The following LMTK2 variants were observed in gnomAD, a reference collection of about 807,000 sequenced individuals.
LMTK2 encodes lemur tail kinase 2.
In LMTK2, 37 loss-of-function variants were observed where a neutral mutation model predicts 127.5. The ratio of observed to expected loss-of-function variants is 0.29; its 90% CI spans 0.22 to 0.38. LMTK2 has a LOEUF of 0.38. Among genes scored for constraint, LMTK2 ranks in the 10% least tolerant of loss-of-function variants. The probability of loss-of-function intolerance (pLI) is 1.00; values close to 1 mark genes in which losing one functional copy is unlikely to be tolerated. For missense variants in LMTK2, 1,694 were observed against 1,920.3 expected (o/e 0.88, Z 2.20); for synonymous variants, 819 against 810.1 (o/e 1.01, Z -0.19).
At chr7:98,143,718 T>C (rs777535820) in intron 3 of LMTK2, among the ~76,000 whole-genome samples, 4 of 152,180 alleles carry the variant, frequency 2.6e-5, no homozygotes, top group Non-Finnish European at 5.9e-5. Context: ...GGAGGGGTAG[T>C]CGGGCAACAT....
Position 98,205,762 on chromosome 7 carries a change from G to C in LMTK2, c.*270G>C, listed in dbSNP as rs984852406. 1.3e-5 allele frequency: 7 copies of C among 546,346 alleles called. No homozygotes were observed. The Admixed American group carries it at 1.6e-4, about 12-fold the overall frequency. The allele number at this position is 546,346 out of a possible 1,614,324, so 33.8% of individuals were successfully genotyped here. ...GCCTCCCAGGCAGTGCTCATGCGCT[G>C]GCCGTCGGGGGAGGCAGGGGCACAG... On this transcript the variant is annotated 3_prime_UTR_variant, in exon 14 of 14. Coordinates refer to ENST00000297293, the MANE Select transcript of LMTK2 (RefSeq NM_014916.4).
rs982245937 is a variant in LMTK2, at chr7:98,106,895, C to T, written c.-283C>T. 23 of 444,498 alleles carry T rather than the reference C, an allele frequency of 5.2e-5. No individual in the cohort carries two copies. Among genetic ancestry groups the T allele is most frequent in the African/African-American group, 3.7e-4 (18 of 48,880 alleles). 27.5% of individuals were successfully genotyped at this position (444,498 alleles called of 1,614,324 possible). ...ACGCAGCCCATCATGGCGGCGGGAGCGCGGCTTCCCAGGCCCGCCGCTCCG... is the reference window on the plus strand; with the variant it reads ...ACGCAGCCCATCATGGCGGCGGGAGTGCGGCTTCCCAGGCCCGCCGCTCCG... On this transcript the variant is annotated 5_prime_UTR_variant, in exon 1 of 14. Coordinates refer to ENST00000297293, the MANE Select transcript of LMTK2 (RefSeq NM_014916.4).
chr7:98,159,311 C>T lies in LMTK2; in HGVS notation c.570-27C>T, dbSNP rs371565512. On this transcript the variant is annotated intron_variant, in intron 5 of 13. Coordinates refer to ENST00000297293, the MANE Select transcript of LMTK2 (RefSeq NM_014916.4). ...TGTTATTATCATGCTTCCTGATGAACAATATTATGGCTTTTATTTTTCCCA... is the reference window on the plus strand; with the variant it reads ...TGTTATTATCATGCTTCCTGATGAATAATATTATGGCTTTTATTTTTCCCA... 1.9e-5 allele frequency: 28 copies of T among 1,439,004 alleles called. No individual in the cohort carries two copies. The African/African-American group carries it at 3.1e-4, about 16-fold the overall frequency. The allele number at this position is 1,439,004 out of a possible 1,614,324, so 89.1% of individuals were successfully genotyped here. A position where few individuals can be genotyped will look rare whatever the true frequency, so the allele number is the denominator to read the frequency against.
At position 98,192,465 on chromosome 7, in the gene LMTK2, C is replaced by T. The variant is rs1396990560; in HGVS notation, c.2000C>T (p.Ala667Val). The change falls in exon 11 of 14, where the codon GCC becomes GTC. Residue 667 changes from alanine (A) to valine (V), a missense_variant. Coordinates refer to ENST00000297293, the MANE Select transcript of LMTK2 (RefSeq NM_014916.4). ...GGAGTTCAAGCCGACTTTAAACCTG[C>T]CACTTTAAGTTCCAGTTTGGATAAC... ...LNGVQADFKP[A>V]TLSSSLDNPK... 2.5e-6 allele frequency: 4 copies of T among 1,611,570 alleles called. No homozygotes were observed. The highest frequency in any genetic ancestry group is 3.4e-6 in the Non-Finnish European group (4 of 1,179,434).
Position 98,107,174 on chromosome 7 carries a change from C to T in LMTK2, c.-4C>T, listed in dbSNP as rs1321476419. On this transcript the variant is annotated 5_prime_UTR_variant, in exon 1 of 14. Coordinates refer to ENST00000297293, the MANE Select transcript of LMTK2 (RefSeq NM_014916.4). ...GCCGGCCCCGGAGCCGCGCCGTGGG[C>T]GAGATGCCGGGGCCGCCGGCGTTGC... The T allele has an allele frequency of 4.2e-6, 6 of 1,438,906 alleles. No individual in the cohort carries two copies. The highest frequency in any genetic ancestry group is 1.4e-5 in the South Asian group (1 of 72,296). 89.1% of individuals were successfully genotyped at this position (1,438,906 alleles called of 1,614,324 possible). A position where few individuals can be genotyped will look rare whatever the true frequency, so the allele number is the denominator to read the frequency against.
At chr7:98,121,609 G>C (rs1431839870) in intron 1 of LMTK2, among the ~76,000 whole-genome samples, 1 of 151,764 alleles carries the variant, frequency 6.6e-6, no homozygotes, top group African/African-American at 2.4e-5. Context: ...ATTCCAGCCT[G>C]GCACAGAGCC....
chr7:98,194,706 T>A lies in LMTK2; in HGVS notation c.4107+134T>A, dbSNP rs2116470840. 1.3e-6 allele frequency: 1 copy of A among 780,630 alleles called. No individual in the cohort carries two copies. Among genetic ancestry groups the A allele is most frequent in the Admixed American group, 3.0e-5 (1 of 33,722 alleles). The allele number at this position is 780,630 out of a possible 1,614,324, so 48.4% of individuals were successfully genotyped here. ...ATTGTGATTACTCACAAAAAGTAAT[T>A]TGGGGTTGGTTAGAGTTCTAAGAAT... On this transcript the variant is annotated intron_variant, in intron 11 of 13. Transcript: ENST00000297293. The surrounding 1 kb of genome is among the most constrained non-coding windows in gnomAD (Gnocchi z 5.4).
chr7:98,136,124 G>T lies in LMTK2; in HGVS notation c.104-1191G>T, dbSNP rs528898971. On this transcript the variant is annotated intron_variant, in intron 1 of 13. Coordinates refer to ENST00000297293, the MANE Select transcript of LMTK2 (RefSeq NM_014916.4). ...AGGGAAGGATGGGGCATGCCAAAAA[G>T]ATCCAGTAGTCACCTTGGTAGAGCT... 7.2e-5 allele frequency among the ~76,000 whole-genome samples: 11 copies of T among 152,294 alleles called. No individual in the cohort carries two copies. The East Asian group carries it at 1.7e-3, about 24-fold the overall frequency.
intron 2 of LMTK2, among the ~76,000 whole-genome samples, chr7:98,137,837 G>A (rs1031980685): frequency 9.9e-5 from 15 of 152,216 alleles, no homozygotes; most frequent in African/African-American, 2.7e-4. Flanking sequence ...ACTGTTGTCC[G>A]TAAGGGCTAT....
At chr7:98,187,296 A>T (rs982279441) in intron 9 of LMTK2, among the ~76,000 whole-genome samples, 5 of 152,182 alleles carry the variant, frequency 3.3e-5, no homozygotes, top group Admixed American at 1.3e-4. Context: ...TTTAATATGT[A>T]TTTATTGAAG....
intron 11 of LMTK2, among the ~76,000 whole-genome samples, chr7:98,200,065 T>A (rs2116478740): frequency 6.6e-6 from 1 of 152,366 alleles, no homozygotes; most frequent in South Asian, 2.1e-4. Context: ...ACATTTTTAG[T>A]ATTACATTTT....
chr7:98,208,119 A>AT lies in LMTK2; in HGVS notation c.*2627_*2628insT, dbSNP rs1491155889. ...GCCAGACCCTGTCTCAAAAAAAAAA[A>AT]CAATTTTTTTCATAACATAATTCCC... On this transcript the variant is annotated 3_prime_UTR_variant, in exon 14 of 14. Transcript: ENST00000297293. The AT allele has an allele frequency of 6.6e-6, 1 of 150,936 alleles. No homozygotes were observed. Among genetic ancestry groups the AT allele is most frequent in the Non-Finnish European group, 1.5e-5 (1 of 68,000 alleles). 9.3% of individuals were successfully genotyped at this position (150,936 alleles called of 1,614,324 possible). A position where few individuals can be genotyped will look rare whatever the true frequency, so the allele number is the denominator to read the frequency against.
chr7:98,120,733 G>A (rs1335233951), intron 1 of LMTK2, among the ~76,000 whole-genome samples: 7 of 152,036 alleles, frequency 4.6e-5, no homozygotes, highest in Non-Finnish European at 4.4e-5. Flanking sequence ...TTGCTTCCCC[G>A]GATCCAGCCT....
intron 1 of LMTK2, among the ~76,000 whole-genome samples, chr7:98,134,137 C>T (rs1796566008): frequency 6.6e-6 from 1 of 152,214 alleles, no homozygotes; most frequent in African/African-American, 2.4e-5. Context: ...ACTGTCCCAC[C>T]TGGGTTCATG....
intron 1 of LMTK2, among the ~76,000 whole-genome samples, chr7:98,119,255 C>T (rs1333762040): frequency 3.9e-5 from 6 of 152,270 alleles, no homozygotes; most frequent in South Asian, 2.1e-4. Context: ...TCTTCTACTA[C>T]GTACAAAATA....
chr7:98,208,298 C>T lies in LMTK2; in HGVS notation c.*2806C>T, dbSNP rs1797839710. 1 of 151,914 alleles carries T rather than the reference C, an allele frequency of 6.6e-6. No individual in the cohort carries two copies. The highest frequency in any genetic ancestry group is 1.5e-5 in the Non-Finnish European group (1 of 67,994). 9.4% of individuals were successfully genotyped at this position (151,914 alleles called of 1,614,324 possible). On this transcript the variant is annotated 3_prime_UTR_variant, in exon 14 of 14. Coordinates refer to ENST00000297293, the MANE Select transcript of LMTK2 (RefSeq NM_014916.4). ...TGGGTTAACATGTTTTTTTGAAATC[C>T]AAGCAATACACAGGAAATTTAAGTA...
chr7:98,140,190 TTC>T (rs1796672407), intron 2 of LMTK2, among the ~76,000 whole-genome samples: 1 of 32,198 alleles, frequency 3.1e-5, no homozygotes, highest in Non-Finnish European at 5.2e-5. Context: ...TCTTTCTTCT[TTC>T]TGTCTTTGAG....
chr7:98,187,680 G>A (rs548839106), intron 9 of LMTK2, among the ~76,000 whole-genome samples: 80 of 121,588 alleles, frequency 6.6e-4, no homozygotes, highest in Admixed American at 1.2e-3. Flanking sequence ...CTCGGCTCAC[G>A]GCTCACTGCA....
chr7:98,147,604 C>T (rs1383500609), intron 3 of LMTK2, among the ~76,000 whole-genome samples: 1 of 152,184 alleles, frequency 6.6e-6, no homozygotes, highest in Non-Finnish European at 1.5e-5. Flanking sequence ...CCTTCTGGGA[C>T]TCCAATTGAT....
Sources: allele counts gnomAD v4.1 joint callset (sites outside exome capture counted in the v4.1 genomes callset), GRCh38; gene constraint gnomAD v4.1.1; non-coding constraint Gnocchi (gnomAD v3.1); transcripts MANE v1.5; gene names NCBI Gene and HGNC (gene_info 2026-07-23, HGNC 2026-07-21).